Variants in FUCA2 observed in about 807,000 individuals in gnomAD.
FUCA2 encodes alpha-L-fucosidase 2.
In FUCA2, 41 loss-of-function variants were observed where a neutral mutation model predicts 52.6. The observed-to-expected ratio is 0.78, with a 90% CI of 0.61 to 1.01. The LOEUF (loss-of-function observed/expected upper bound fraction) is 1.01, where lower values mean the gene tolerates loss of function less well. Ranked by LOEUF, FUCA2 falls within the 50% of genes least tolerant of loss-of-function variation. The pLI is 0.00. For missense variants in FUCA2, 507 were observed against 569.5 expected (o/e 0.89, Z 1.12); for synonymous variants, 211 against 217.3 (o/e 0.97, Z 0.26).
chr6:143,500,623 C>G lies in FUCA2; in HGVS notation c.1154+1309G>C, dbSNP rs549656711. Among the ~76,000 whole-genome samples, 1 of 152,174 alleles carries G rather than the reference C, an allele frequency of 6.6e-6. No homozygotes were observed. Among genetic ancestry groups the G allele is most frequent in the Admixed American group, 6.5e-5 (1 of 15,282 alleles). On this transcript the variant is annotated intron_variant, in intron 5 of 6. Coordinates refer to ENST00000002165, the MANE Select transcript of FUCA2 (RefSeq NM_032020.5). This position sits in a 1 kb window ranked among gnomAD's most constrained non-coding sequence, Gnocchi z 6.9. ...AAGTGGAAGTGTTGAGTAAGAAGTT[C>G]GACTTTGCATTACCAATATGACCTT...
rs961248488 is a variant in FUCA2, at chr6:143,497,444, G to A, written c.1208C>T (p.Pro403Leu). 14 of 1,613,874 alleles carry A rather than the reference G, an allele frequency of 8.7e-6. No individual in the cohort carries two copies. Among genetic ancestry groups the A allele is most frequent in the Non-Finnish European group, 1.2e-5 (14 of 1,179,864 alleles). The change falls in exon 6 of 7, where the codon CCC becomes CTC. Residue 403 changes from proline (P) to leucine (L), a missense_variant. Coordinates refer to ENST00000002165, the MANE Select transcript of FUCA2 (RefSeq NM_032020.5). The surrounding 1 kb of genome is among the most constrained non-coding windows in gnomAD (Gnocchi z 5.3). ...GCCAAGGAACAGCTGTCCTGATGTG[G>A]GCCATTTAAGAAAAATGGCATAGAC... ...KLVYAIFLKW[P>L]TSGQLFLGHP... is the part of the protein sequence containing the mutation.
chr6:143,495,728 T>A lies in FUCA2; in HGVS notation c.1383A>T (p.Leu461=). 6.2e-7 allele frequency: 1 copy of A among 1,614,070 alleles called. No individual in the cohort carries two copies. Among genetic ancestry groups the A allele is most frequent in the Admixed American group, 1.7e-5 (1 of 60,004 alleles). Residue 461 remains leucine (L), a synonymous_variant, in exon 7 of 7, where the codon CTA becomes CTT. Transcript: ENST00000002165. This position sits in a 1 kb window ranked among gnomAD's most constrained non-coding sequence, Gnocchi z 5.2. The part of the protein sequence containing the change: ...HQMPCKWGWA[L]ALTNVI ...CACTTTAGATCACATTAGTCAGGGC[T>A]AGAGCCCAGCCCCATTTACACGGCA...
Position 143,504,489 on chromosome 6 carries a change from C to T in FUCA2, c.413-237G>A, listed in dbSNP as rs1052792320. On this transcript the variant is annotated intron_variant, in intron 2 of 6. Transcript: ENST00000002165. The surrounding 1 kb of genome is among the most constrained non-coding windows in gnomAD (Gnocchi z 4.4). ...GCAACTTTCAGGGTATATCACTGTA[C>T]GGTCTGATCTATCTCCAGTATTTTC... is the stretch of plus-strand genomic sequence containing the variant. 2.7e-5 allele frequency: 13 copies of T among 478,512 alleles called. No homozygotes were observed. The highest frequency in any genetic ancestry group is 3.9e-5 in the African/African-American group (2 of 51,388). 29.6% of individuals were successfully genotyped at this position (478,512 alleles called of 1,614,324 possible). A position where few individuals can be genotyped will look rare whatever the true frequency, so the allele number is the denominator to read the frequency against.
chr6:143,507,576 G>A lies in FUCA2; in HGVS notation c.225-152C>T. The A allele has an allele frequency of 1.7e-6, 1 of 587,264 alleles. No individual in the cohort carries two copies. The highest frequency in any genetic ancestry group is 2.8e-6 in the Non-Finnish European group (1 of 351,868). 36.4% of individuals were successfully genotyped at this position (587,264 alleles called of 1,614,324 possible). On this transcript the variant is annotated intron_variant, in intron 1 of 6. Transcript: ENST00000002165. The surrounding 1 kb of genome is among the most constrained non-coding windows in gnomAD (Gnocchi z 4.5). The stretch of plus-strand genomic sequence containing the variant: ...TTAGTTTGACTTGGCTTTAAAGATA[G>A]CTTATGCAAACTAAACCCCCTCTCA...
Position 143,511,584 on chromosome 6 carries a change from C to T in FUCA2, c.51G>A (p.Leu17=), listed in dbSNP as rs1294544419. The change falls in exon 1 of 7, where the codon CTG becomes CTA. Residue 17 remains leucine (L), a synonymous_variant. Transcript: ENST00000002165. The surrounding 1 kb of genome is among the most constrained non-coding windows in gnomAD (Gnocchi z 6.3). The part of the protein sequence containing the change: ...PRLAFPLLLL[L]LLLLPPPPCP... ...ACGGCGGCGGCGGCAGCAGCAGCAA[C>T]AGCAACAGCAGCAACGGGAACGCGA... 6.4e-7 allele frequency: 1 copy of T among 1,554,202 alleles called. No individual in the cohort carries two copies. Among genetic ancestry groups the T allele is most frequent in the Non-Finnish European group, 8.7e-7 (1 of 1,149,334 alleles).
Position 143,497,310 on chromosome 6 carries a change from G to A in FUCA2, c.1263+79C>T, listed in dbSNP as rs768895700. On this transcript the variant is annotated intron_variant, in intron 6 of 6. Transcript: ENST00000002165. The surrounding 1 kb of genome is among the most constrained non-coding windows in gnomAD (Gnocchi z 5.3). ...TGAAGTATAAGTGAAACAGTTATAA[G>A]GCTCCCCTTAAAAGTTAATGTTTGC... The A allele has an allele frequency of 1.4e-5, 13 of 906,534 alleles. No homozygotes were observed. Among genetic ancestry groups the A allele is most frequent in the Non-Finnish European group, 2.2e-5 (12 of 544,408 alleles). The allele number at this position is 906,534 out of a possible 1,614,324, so 56.2% of individuals were successfully genotyped here. A position where few individuals can be genotyped will look rare whatever the true frequency, so the allele number is the denominator to read the frequency against.
At position 143,507,248 on chromosome 6, in the gene FUCA2, T is replaced by C. The variant is rs777770997; in HGVS notation, c.401A>G (p.Lys134Arg). The change falls in exon 2 of 7, where the codon AAA becomes AGA. Residue 134 changes from lysine to arginine, a missense_variant. By Grantham distance (26) the Lys-to-Arg change is conservative. Coordinates refer to ENST00000002165, the MANE Select transcript of FUCA2 (RefSeq NM_032020.5). This position sits in a 1 kb window ranked among gnomAD's most constrained non-coding sequence, Gnocchi z 4.5. ...SGAKYIVLTS[K>R]HHEGFTLWGS... ...CTGGATTGACTTACCTTCATGATGT[T>C]TGGAAGTTAAGACAATGTATTTGGC... The C allele has an allele frequency of 7.6e-6, 12 of 1,589,320 alleles. No homozygotes were observed. The highest frequency in any genetic ancestry group is 9.4e-6 in the Non-Finnish European group (11 of 1,172,608).
intron 5 of FUCA2, among the ~76,000 whole-genome samples, chr6:143,498,365 AAAC>A (rs946247276): frequency 1.3e-5 from 2 of 152,244 alleles, no homozygotes; most frequent in African/African-American, 4.8e-5. Context: ...GCTATGGAGA[AAAC>A]AAGCCAGGTT....
rs935306532 is a variant in FUCA2 at position 143,494,908 on chromosome 6, CTTATG to C, written c.*794_*798del. The C allele has an allele frequency of 1.3e-5, 2 of 152,048 alleles. No homozygotes were observed. Among genetic ancestry groups the C allele is most frequent in the African/African-American group, 2.4e-5 (1 of 41,402 alleles). 9.4% of individuals were successfully genotyped at this position (152,048 alleles called of 1,614,324 possible). A position where few individuals can be genotyped will look rare whatever the true frequency, so the allele number is the denominator to read the frequency against. ...AAAACGTTTGTAAAGTTACAGTACA[CTTATG>C]TTAATTTATAATTGAAGAAAGAAAA... is the stretch of plus-strand genomic sequence containing the variant. On this transcript the variant is annotated 3_prime_UTR_variant, in exon 7 of 7. Coordinates refer to ENST00000002165, the MANE Select transcript of FUCA2 (RefSeq NM_032020.5). The surrounding 1 kb of genome is among the most constrained non-coding windows in gnomAD (Gnocchi z 6.6).
chr6:143,498,615 A>T (rs1439241414), intron 5 of FUCA2, among the ~76,000 whole-genome samples: 1 of 152,076 alleles, frequency 6.6e-6, no homozygotes, highest in Non-Finnish European at 1.5e-5. Flanking sequence ...GAAGGAGAGG[A>T]AGTGGGGGAG....
chr6:143,507,184 A>G lies in FUCA2; in HGVS notation c.412+53T>C, dbSNP rs1318315440. 6.6e-7 allele frequency: 1 copy of G among 1,507,068 alleles called. No individual in the cohort carries two copies. Among genetic ancestry groups the G allele is most frequent in the East Asian group, 2.4e-5 (1 of 41,920 alleles). The allele number at this position is 1,507,068 out of a possible 1,614,324, so 93.4% of individuals were successfully genotyped here. A position where few individuals can be genotyped will look rare whatever the true frequency, so the allele number is the denominator to read the frequency against. ...TTTAGTTTTTTCTTCCAAAAGAACAACTTTTCATTTCTTAACCATTGTCAG... is the reference window on the plus strand; with the variant it reads ...TTTAGTTTTTTCTTCCAAAAGAACAGCTTTTCATTTCTTAACCATTGTCAG... On this transcript the variant is annotated intron_variant, in intron 2 of 6. Coordinates refer to ENST00000002165, the MANE Select transcript of FUCA2 (RefSeq NM_032020.5). The surrounding 1 kb of genome is among the most constrained non-coding windows in gnomAD (Gnocchi z 4.5).
chr6:143,500,093 C>G lies in FUCA2; in HGVS notation c.1154+1839G>C, dbSNP rs1257315428. Among the ~76,000 whole-genome samples, 2 of 151,752 alleles carry G rather than the reference C, an allele frequency of 1.3e-5. No homozygotes were observed. The highest frequency in any genetic ancestry group is 4.8e-5 in the African/African-American group (2 of 41,278). The stretch of plus-strand genomic sequence containing the variant: ...GTTTCCATAGTTAACAGTTAGCTGT[C>G]CAGAAGCAGGCATGGAATAAGTAGA... On this transcript the variant is annotated intron_variant, in intron 5 of 6. Coordinates refer to ENST00000002165, the MANE Select transcript of FUCA2 (RefSeq NM_032020.5). The surrounding 1 kb of genome is among the most constrained non-coding windows in gnomAD (Gnocchi z 6.9).
rs753088975 is a variant in FUCA2, at chr6:143,507,354, T to C, written c.295A>G (p.Lys99Glu). Reference protein sequence around the residue: ...FMKDNYPPSFKYEDFGPLFTA... With the variant: ...FMKDNYPPSFEYEDFGPLFTA... Reference sequence around the variant, plus strand: ...AATAGTGGTCCAAAATCTTCATATTTGAAACTAGGAGGGTAATTATCTTTC... The same window carrying C: ...AATAGTGGTCCAAAATCTTCATATTCGAAACTAGGAGGGTAATTATCTTTC... Residue 99 changes from lysine to glutamate, a missense_variant, in exon 2 of 7, where the codon AAA becomes GAA. By Grantham distance (56) the Lys-to-Glu change is moderately conservative (BLOSUM62 1). Transcript: ENST00000002165. This position sits in a 1 kb window ranked among gnomAD's most constrained non-coding sequence, Gnocchi z 4.5. 1 of 1,608,414 alleles carries C rather than the reference T, an allele frequency of 6.2e-7. No homozygotes were observed. The highest frequency in any genetic ancestry group is 8.5e-7 in the Non-Finnish European group (1 of 1,178,914).
Position 143,504,571 on chromosome 6 carries a change from A to G in FUCA2, c.413-319T>C, listed in dbSNP as rs1368654198. The G allele has an allele frequency of 8.3e-6, 2 of 240,212 alleles. No individual in the cohort carries two copies. Among genetic ancestry groups the G allele is most frequent in the Non-Finnish European group, 8.1e-6 (1 of 124,200 alleles). The allele number at this position is 240,212 out of a possible 1,614,324, so 14.9% of individuals were successfully genotyped here. A position where few individuals can be genotyped will look rare whatever the true frequency, so the allele number is the denominator to read the frequency against. Reference sequence around the variant, plus strand: ...CATCATGTCTGCAGTGCTCCCTGCTATGTCTCCAGCCAACTGCTAGCACAA... The same window carrying G: ...CATCATGTCTGCAGTGCTCCCTGCTGTGTCTCCAGCCAACTGCTAGCACAA... On this transcript the variant is annotated intron_variant, in intron 2 of 6. Coordinates refer to ENST00000002165, the MANE Select transcript of FUCA2 (RefSeq NM_032020.5). The surrounding 1 kb of genome is among the most constrained non-coding windows in gnomAD (Gnocchi z 4.4).
In FUCA2 at chr6:143,497,504, A is replaced by C; in HGVS notation, c.1155-7T>G. On this transcript the variant is annotated splice_polypyrimidine_tract_variant and splice_region_variant and intron_variant, in intron 5 of 6. Transcript: ENST00000002165. The surrounding 1 kb of genome is among the most constrained non-coding windows in gnomAD (Gnocchi z 5.3). ...TTTAGGCTTGGATGTGTACCTGGTTAAAAGAAAAAAATAAAGAGCATAGTA... is the reference window on the plus strand; with the variant it reads ...TTTAGGCTTGGATGTGTACCTGGTTCAAAGAAAAAAATAAAGAGCATAGTA... The C allele has an allele frequency of 6.6e-7, 1 of 1,519,654 alleles. No homozygotes were observed. Among genetic ancestry groups the C allele is most frequent in the Non-Finnish European group, 9.1e-7 (1 of 1,096,476 alleles). 94.1% of individuals were successfully genotyped at this position (1,519,654 alleles called of 1,614,324 possible).
In FUCA2 at chr6:143,504,125, G is replaced by C. The variant is rs767200700; in HGVS notation, c.540C>G (p.Tyr180Ter). 6.2e-7 allele frequency: 1 copy of C among 1,614,132 alleles called. No individual in the cohort carries two copies. Among genetic ancestry groups the C allele is most frequent in the Non-Finnish European group, 8.5e-7 (1 of 1,180,028 alleles). Residue 180 changes from tyrosine to a stop codon, truncating the protein, a stop_gained, in exon 3 of 7, where the codon TAC becomes TAG. Transcript: ENST00000002165. LOFTEE classifies it high-confidence loss of function. This position sits in a 1 kb window ranked among gnomAD's most constrained non-coding sequence, Gnocchi z 4.4. ...RNRTDLRFGLYYSLFEWFHPL... is the reference protein window; with the variant it reads ...RNRTDLRFGL ...GATGAAACCATTCAAAAAGGGAATAGTACAGTCCAAAACGCAGGTCAGTTC... is the reference window on the plus strand; with the variant it reads ...GATGAAACCATTCAAAAAGGGAATACTACAGTCCAAAACGCAGGTCAGTTC...
intron 2 of FUCA2, chr6:143,506,285 A>C (rs1198383663): frequency 1.4e-5 from 2 of 147,600 alleles, no homozygotes; most frequent in South Asian, 2.1e-4. Flanking sequence ...AGCCTCAAGC[A>C]GTCCTCCAAC....
At position 143,495,407 on chromosome 6, in the gene FUCA2, A is replaced by T. The variant is rs1425664356; in HGVS notation, c.*300T>A. 1 of 260,998 alleles carries T rather than the reference A, an allele frequency of 3.8e-6. No homozygotes were observed. The highest frequency in any genetic ancestry group is 5.0e-5 in the Admixed American group (1 of 19,850). The allele number at this position is 260,998 out of a possible 1,614,324, so 16.2% of individuals were successfully genotyped here. ...GATATGGCTTCAACATAAAATTTTC[A>T]GTTCGGTCCATAATACCACCAATTC... On this transcript the variant is annotated 3_prime_UTR_variant, in exon 7 of 7. Coordinates refer to ENST00000002165, the MANE Select transcript of FUCA2 (RefSeq NM_032020.5). This position sits in a 1 kb window ranked among gnomAD's most constrained non-coding sequence, Gnocchi z 5.2.
chr6:143,509,164 T>C lies in FUCA2; in HGVS notation c.225-1740A>G, dbSNP rs1435364263. On this transcript the variant is annotated intron_variant, in intron 1 of 6. Transcript: ENST00000002165. This position sits in a 1 kb window ranked among gnomAD's most constrained non-coding sequence, Gnocchi z 5.4. ...CCCTACAGTCTAGACTTGAATTTCA[T>C]GCTGAGAGATGAAAAGAGGCATTTA... is the stretch of plus-strand genomic sequence containing the variant. Among the ~76,000 whole-genome samples, 1 of 152,242 alleles carries C rather than the reference T, an allele frequency of 6.6e-6. No individual in the cohort carries two copies. The highest frequency in any genetic ancestry group is 1.5e-5 in the Non-Finnish European group (1 of 68,032).
Sources: allele counts gnomAD v4.1 joint callset (sites outside exome capture counted in the v4.1 genomes callset), GRCh38; gene constraint gnomAD v4.1.1; non-coding constraint Gnocchi (gnomAD v3.1); transcripts MANE v1.5; gene names NCBI Gene and HGNC (gene_info 2026-07-23, HGNC 2026-07-21).